Variants in HECW1 observed in about 807,000 individuals in gnomAD.
The protein encoded by HECW1 is HECT, C2 and WW domain containing E3 ubiquitin protein ligase 1.
In HECW1, 61 loss-of-function variants were observed where a neutral mutation model predicts 182.3. The observed-to-expected ratio is 0.33, with a 90% CI of 0.27 to 0.41. The LOEUF is 0.41. HECW1 is among the 10% of genes least tolerant of loss of function. The pLI, the probability that HECW1 is intolerant of heterozygous loss-of-function variation, is 1.00. For missense variants in HECW1, 1,739 were observed against 2,108.9 expected, an observed-to-expected ratio of 0.82 and a Z score of 3.44; for synonymous variants, 859 against 832.6, an observed-to-expected ratio of 1.03 and a Z score of -0.55.
chr7:43,366,557 G>C (rs73689992), intron 6 of HECW1, among the ~76,000 whole-genome samples: 348 of 152,284 alleles, frequency 2.3e-3, no homozygotes, highest in African/African-American at 8.1e-3. Context: ...CGACTGATGG[G>C]ACCAGCTACC....
intron 5 of HECW1, among the ~76,000 whole-genome samples, chr7:43,325,907 G>C (rs999279382): frequency 1.3e-5 from 2 of 152,160 alleles, no homozygotes; most frequent in African/African-American, 4.8e-5. Flanking sequence ...AACCTTTTTA[G>C]CACCTCATTT....
Position 43,554,758 on chromosome 7 carries a change from A to G in HECW1, c.4677A>G (p.Ile1559Met). The G allele has an allele frequency of 6.2e-7, 1 of 1,614,000 alleles. No homozygotes were observed. Among genetic ancestry groups the G allele is most frequent in the Non-Finnish European group, 8.5e-7 (1 of 1,179,948 alleles). Reference sequence around the variant, plus strand: ...GCAATGGGCTTCGGCGCTTCTGCATAGAGAAATGGGGGAAAATTACTTCTC... The same window carrying G: ...GCAATGGGCTTCGGCGCTTCTGCATGGAGAAATGGGGGAAAATTACTTCTC... ...RGSNGLRRFC[I>M]EKWGKITSLP... The change falls in exon 29 of 30, where the codon ATA becomes ATG. Residue 1559 changes from isoleucine to methionine, a missense_variant. By Grantham distance (10) the Ile-to-Met change is conservative. This residue lies in a region of HECW1 where 420 missense variants were observed against 595.7 expected (regional missense o/e 0.71). Coordinates refer to ENST00000395891, the MANE Select transcript of HECW1 (RefSeq NM_015052.5).
chr7:43,127,515 C>T (rs1477825473), intron 2 of HECW1, among the ~76,000 whole-genome samples: 2 of 106,306 alleles, frequency 1.9e-5, no homozygotes, highest in Admixed American at 1.2e-4. Context: ...AAGAGTGAAA[C>T]TCCATCTCAA....
intron 2 of HECW1, among the ~76,000 whole-genome samples, chr7:43,128,213 T>G (rs1786498059): frequency 6.6e-6 from 1 of 152,110 alleles, no homozygotes; most frequent in African/African-American, 2.4e-5. Flanking sequence ...AAAACAACCT[T>G]CTATTGGAAA....
At chr7:43,318,345 A>C (rs986540601) in intron 4 of HECW1, among the ~76,000 whole-genome samples, 1 of 152,236 alleles carries the variant, frequency 6.6e-6, no homozygotes, top group African/African-American at 2.4e-5. Context: ...AATTACTGTA[A>C]AAGATGTATT....
intron 2 of HECW1, among the ~76,000 whole-genome samples, chr7:43,190,433 A>G (rs1371061374): frequency 6.6e-6 from 1 of 152,174 alleles, no homozygotes; most frequent in Non-Finnish European, 1.5e-5. Flanking sequence ...TTATAGTCAC[A>G]GTAGGGAAGG....
chr7:43,229,531 T>G (rs1173216735), intron 2 of HECW1, among the ~76,000 whole-genome samples: 3 of 151,884 alleles, frequency 2.0e-5, no homozygotes, highest in Non-Finnish European at 4.4e-5. Context: ...GGGTACTAGG[T>G]TTAGTACCTG....
At chr7:43,217,794 C>T (rs1365591056) in intron 2 of HECW1, among the ~76,000 whole-genome samples, 1 of 152,220 alleles carries the variant, frequency 6.6e-6, no homozygotes, top group Admixed American at 6.5e-5. Flanking sequence ...ACCCACCACT[C>T]ATGTCTTTTA....
At chr7:43,247,929 A>T (rs1799576228) in intron 3 of HECW1, among the ~76,000 whole-genome samples, 1 of 115,160 alleles carries the variant, frequency 8.7e-6, no homozygotes, top group Non-Finnish European at 1.7e-5. Context: ...GGGAAAGAGG[A>T]AAAAAGAGAG....
rs1805917248 is a variant in HECW1, at chr7:43,295,404, GCT to G, written c.28-16358_28-16357del. 3.3e-5 allele frequency among the ~76,000 whole-genome samples: 5 copies of G among 152,138 alleles called. No individual in the cohort carries two copies. In the South Asian group the frequency reaches 1.0e-3, roughly 32 times the overall value. ...ATTCCCAGCATGAATTTTCCCTGTG[GCT>G]TAGTGCTTTTAAAGTCCTGAGATTT... On this transcript the variant is annotated intron_variant, in intron 3 of 29. Transcript: ENST00000395891.
At chr7:43,338,860 A>G (rs1381578111) in intron 5 of HECW1, among the ~76,000 whole-genome samples, 1 of 151,616 alleles carries the variant, frequency 6.6e-6, no homozygotes, top group Non-Finnish European at 1.5e-5. Flanking sequence ...TATTTCTTTT[A>G]GTGCAATCCC....
chr7:43,534,262 G>C (rs773799639), intron 24 of HECW1, among the ~76,000 whole-genome samples: 1 of 152,006 alleles, frequency 6.6e-6, no homozygotes, highest in Non-Finnish European at 1.5e-5. Flanking sequence ...ATAAATCGTG[G>C]CCTGTAAATA....
At chr7:43,247,294 G>A (rs17723330) in intron 3 of HECW1, among the ~76,000 whole-genome samples, 17,786 of 152,176 alleles carry the variant, frequency 0.12, 1,777 homozygotes, top group African/African-American at 0.27. Context: ...GTGCTAGATG[G>A]CAGGACATGG....
rs2079346822 is a variant in HECW1 at position 43,501,242 on chromosome 7, TC to T, written c.3556del (p.Leu1186CysfsTer82). On this transcript the variant is annotated frameshift_variant, in exon 21 of 30. Transcript: ENST00000395891. LOFTEE classifies it high-confidence loss of function. ...SLFEEEIMSYVPLQAAFHPGY... is the reference protein window; with the variant it reads ...SLFEEEIMSYXPLQAAFHPGY... ...TTTGAAGAAGAGATTATGTCCTACG[TC>T]CCCCTGCAGGCTGCCTTCCACCCTG... The T allele has an allele frequency of 6.4e-7, 1 of 1,573,348 alleles. No individual in the cohort carries two copies. The highest frequency in any genetic ancestry group is 8.7e-7 in the Non-Finnish European group (1 of 1,146,280).
chr7:43,138,661 G>A (rs1787829273), intron 2 of HECW1, among the ~76,000 whole-genome samples: 1 of 152,204 alleles, frequency 6.6e-6, no homozygotes. Context: ...AATTAGGCTA[G>A]TGTTCTGTGC....
At chr7:43,336,120 T>TC (rs1562853468) in intron 5 of HECW1, among the ~76,000 whole-genome samples, 2 of 75,376 alleles carry the variant, frequency 2.7e-5, no homozygotes, top group African/African-American at 1.2e-4. Context: ...CTTTCTTTCT[T>TC]TCTTTCTCTC....
chr7:43,397,522 G>C (rs1393929705), intron 7 of HECW1, among the ~76,000 whole-genome samples: 1 of 152,160 alleles, frequency 6.6e-6, no homozygotes, highest in Non-Finnish European at 1.5e-5. Flanking sequence ...GTCAGCAAAG[G>C]GTGGTGGGAT....
chr7:43,541,372 G>A (rs570248372), intron 25 of HECW1, 111 bp downstream of exon 25: 16 of 800,434 alleles, frequency 2.0e-5, no homozygotes, highest in Non-Finnish European at 3.0e-5. Context: ...AACCATTCCT[G>A]TTAGGGTTAT....
chr7:43,513,361 G>A (rs1368985716), intron 24 of HECW1, among the ~76,000 whole-genome samples: 2 of 152,194 alleles, frequency 1.3e-5, no homozygotes, highest in East Asian at 1.9e-4. Context: ...CACACTGCAC[G>A]TGGTCCTGCA....
Sources: gnomAD v4.1 joint callset for allele counts (sites outside exome capture counted in the v4.1 genomes callset) on GRCh38, gnomAD v4.1.1 for gene constraint, gnomAD v4.1.1 regional missense constraint, MANE v1.5 for transcripts, NCBI Gene and HGNC (gene_info 2026-07-23, HGNC 2026-07-21) for gene names.